MUC3A: variants seen among roughly 807,000 people sequenced by gnomAD.
MUC3A encodes mucin 3A, cell surface associated.
In MUC3A, 109 loss-of-function variants were observed where a neutral mutation model predicts 109.0. The ratio of observed to expected loss-of-function variants is 1.00; its 90% confidence interval spans 0.86 to 1.17. The LOEUF (loss-of-function observed/expected upper bound fraction) is 1.17. Among genes scored for constraint, MUC3A ranks in the 50% most tolerant of loss-of-function variants. The pLI, the probability that MUC3A is intolerant of heterozygous loss-of-function variation, is 0.00. For missense variants in MUC3A, 3,537 were observed against 2,469.4 expected, an observed-to-expected ratio of 1.43 and a Z score of -9.16; for synonymous variants, 1,398 against 981.4, an observed-to-expected ratio of 1.42 and a Z score of -7.93.
In MUC3A at chr7:100,956,333, C is replaced by A; in HGVS notation, c.4554C>A (p.Thr1518=). 1 of 555,564 alleles carries A rather than the reference C, an allele frequency of 1.8e-6. No homozygotes were observed. Among genetic ancestry groups the A allele is most frequent in the Non-Finnish European group, 3.1e-6 (1 of 320,722 alleles). 34.4% of individuals were successfully genotyped at this position (555,564 alleles called of 1,614,324 possible). ...AKTPTTNLVT[T]TTKTTSHSTT... is the part of the protein sequence containing the mutation. ...CTCCTACCACAAACTTGGTAACCACCACCACCAAGACCACCTCACATAGTA... is the reference window on the plus strand; with the variant it reads ...CTCCTACCACAAACTTGGTAACCACAACCACCAAGACCACCTCACATAGTA... Residue 1518 remains threonine (T), a synonymous_variant, in exon 2 of 12, where the codon ACC becomes ACA. Transcript: ENST00000379458.
Position 100,958,454 on chromosome 7 carries a change from G to A in MUC3A, c.6675G>A (p.Ser2225=), listed in dbSNP as rs954919703. The change falls in exon 2 of 12, where the codon TCG becomes TCA. Residue 2225 remains serine (S), a synonymous_variant. Coordinates refer to ENST00000379458, the MANE Select transcript of MUC3A (RefSeq NM_005960.2). ...GCAGTACTCCCAGCTTCAGTTCTTC[G>A]ATCACCACCACTGAGACCACATCCC... ...PSSSTPSFSS[S]ITTTETTSHS... The A allele has an allele frequency of 5.1e-4, 509 of 992,744 alleles. No individual in the cohort carries two copies. The highest frequency in any genetic ancestry group is 2.2e-3 in the Admixed American group (67 of 30,792). The allele number at this position is 992,744 out of a possible 1,614,324, so 61.5% of individuals were successfully genotyped here.
Position 100,953,389 on chromosome 7 carries a change from C to T in MUC3A, c.1610C>T (p.Ser537Phe), listed in dbSNP as rs1387481315. The change falls in exon 2 of 12, where the codon TCT becomes TTT. Residue 537 changes from serine to phenylalanine, a missense_variant. By Grantham distance (155) the Ser-to-Phe change is radical. Coordinates refer to ENST00000379458, the MANE Select transcript of MUC3A (RefSeq NM_005960.2). ...TTFPATYSFS[S>F]SMSASSAGTT... ...TTCCCAGCAACATATTCATTTTCAT[C>T]TTCCATGTCTGCCAGCAGTGCTGGG... 2.2e-5 allele frequency: 11 copies of T among 507,044 alleles called. No individual in the cohort carries two copies. The highest frequency in any genetic ancestry group is 3.4e-5 in the Non-Finnish European group (10 of 292,020). 31.4% of individuals were successfully genotyped at this position (507,044 alleles called of 1,614,324 possible).
rs1048244825 is a variant in MUC3A at position 100,960,070 on chromosome 7, C to T, written c.8291C>T (p.Pro2764Leu). 1.3e-6 allele frequency: 2 copies of T among 1,511,556 alleles called. No homozygotes were observed. The highest frequency in any genetic ancestry group is 1.8e-6 in the Non-Finnish European group (2 of 1,140,730). 93.6% of individuals were successfully genotyped at this position (1,511,556 alleles called of 1,614,324 possible). A position where few individuals can be genotyped will look rare whatever the true frequency, so the allele number is the denominator to read the frequency against. ...EITPFSYISL[P>L]STTPCPGTIT... ...ACCCCCTTTTCTTATATTTCCCTTC[C>T]CTCCACCACACCCTGTCCAGGAACT... Residue 2764 changes from proline (P) to leucine (L), a missense_variant, in exon 2 of 12, where the codon CCC becomes CTC. Transcript: ENST00000379458.
In MUC3A at chr7:100,965,882, C is replaced by A; in HGVS notation, c.9611+16C>A. ...CCACGTGTCGGTAAGGCCCCGCTCA[C>A]CATCGGCATCAGCCGAGCCCCTCCC... On this transcript the variant is annotated intron_variant, in intron 8 of 11. Coordinates refer to ENST00000379458, the MANE Select transcript of MUC3A (RefSeq NM_005960.2). 1 of 1,582,772 alleles carries A rather than the reference C, an allele frequency of 6.3e-7. No individual in the cohort carries two copies.
rs1277158480 is a variant in MUC3A, at chr7:100,958,128, T to A, written c.6349T>A (p.Ser2117Thr). ...CAGCTTCACTTCCTCAATCACCACC[T>A]CTGAGATGCCCTCACACAGTACTCC... ...TPSFTSSITT[S>T]EMPSHSTPSF... Residue 2117 changes from serine (S) to threonine (T), a missense_variant, in exon 2 of 12, where the codon TCT (serine) becomes ACT (threonine). Ser to Thr is a moderately conservative substitution (Grantham distance 58). Transcript: ENST00000379458. The A allele has an allele frequency of 0.018, 3,861 of 218,920 alleles. 307 individuals are homozygous for A. Among genetic ancestry groups the A allele is most frequent in the African/African-American group, 0.072 (556 of 7,720 alleles). The allele number at this position is 218,920 out of a possible 1,614,324, so 13.6% of individuals were successfully genotyped here. A position where few individuals can be genotyped will look rare whatever the true frequency, so the allele number is the denominator to read the frequency against.
chr7:100,953,998 C>CTA lies in MUC3A; in HGVS notation c.2219_2220insTA (p.Ser741ThrfsTer24). 1 of 464,422 alleles carries CTA rather than the reference C, an allele frequency of 2.2e-6. No homozygotes were observed. The highest frequency in any genetic ancestry group is 3.6e-5 in the Admixed American group (1 of 27,590). 28.8% of individuals were successfully genotyped at this position (464,422 alleles called of 1,614,324 possible). A position where few individuals can be genotyped will look rare whatever the true frequency, so the allele number is the denominator to read the frequency against. On this transcript the variant is annotated frameshift_variant, in exon 2 of 12. Transcript: ENST00000379458. LOFTEE classifies it high-confidence loss of function. Reference sequence around the variant, plus strand: ...ATGACAGAGACATCATCCACTGCCACCTCTCTTCCACCCACCTCTCCCTTG... The same window carrying CTA: ...ATGACAGAGACATCATCCACTGCCACTACTCTCTTCCACCCACCTCTCCCTTG...
At chr7:100,960,977 A>G in intron 3 of MUC3A, 40 bp downstream of exon 3, 2 of 1,598,380 alleles carry the variant, frequency 1.3e-6, no homozygotes, top group Non-Finnish European at 1.7e-6. Flanking sequence ...TTCCTCCCAC[A>G]GGGTGTCACT....
In MUC3A at chr7:100,958,583, T is replaced by TACTCCCAGCTTCACTTCTTC; in HGVS notation, c.6804_6805insACTCCCAGCTTCACTTCTTC (p.Asp2269ThrfsTer32). ...TCACCACCACTGAGACCACCTCACA[T>TACTCCCAGCTTCACTTCTTC]GATACTCCCAGCTTCACTTCTTCAA... On this transcript the variant is annotated frameshift_variant, in exon 2 of 12. Coordinates refer to ENST00000379458, the MANE Select transcript of MUC3A (RefSeq NM_005960.2). LOFTEE classifies it high-confidence loss of function. The TACTCCCAGCTTCACTTCTTC allele has an allele frequency of 2.4e-5, 5 of 211,760 alleles. No homozygotes were observed. The highest frequency in any genetic ancestry group is 1.1e-4 in the Admixed American group (1 of 9,176). 13.1% of individuals were successfully genotyped at this position (211,760 alleles called of 1,614,324 possible). A position where few individuals can be genotyped will look rare whatever the true frequency, so the allele number is the denominator to read the frequency against.
rs1397754817 is a variant in MUC3A, at chr7:100,959,912, T to G, written c.8133T>G (p.Pro2711=). The G allele has an allele frequency of 6.6e-7, 1 of 1,524,268 alleles. No homozygotes were observed. The highest frequency in any genetic ancestry group is 8.7e-7 in the Non-Finnish European group (1 of 1,146,448). 94.4% of individuals were successfully genotyped at this position (1,524,268 alleles called of 1,614,324 possible). ...TTTCCACTACCATTCATTCTGTTCC[T>G]TCTTCACCATACATTTTCAGTACAG... The part of the protein sequence containing the change: ...PVFSTTIHSV[P]SSPYIFSTEN... Residue 2711 remains proline (P), a synonymous_variant, in exon 2 of 12, where the codon CCT becomes CCG. Coordinates refer to ENST00000379458, the MANE Select transcript of MUC3A (RefSeq NM_005960.2).
chr7:100,952,497 A>G lies in MUC3A; in HGVS notation c.718A>G (p.Thr240Ala), dbSNP rs1380696171. 1 of 1,598,498 alleles carries G rather than the reference A, an allele frequency of 6.3e-7. No individual in the cohort carries two copies. The highest frequency in any genetic ancestry group is 1.7e-4 in the Middle Eastern group (1 of 6,056). ...PLPTGSIHTT[T>A]SPTPVFTTLK... ...GCCCACTGGAAGCATCCATACAACC[A>G]CGTCCCCAACCCCAGTATTTACTAC... The change falls in exon 2 of 12, where the codon ACG becomes GCG. Residue 240 changes from threonine (T) to alanine (A), a missense_variant. By Grantham distance (58) the Thr-to-Ala change is moderately conservative (BLOSUM62 0). Coordinates refer to ENST00000379458, the MANE Select transcript of MUC3A (RefSeq NM_005960.2).
chr7:100,960,585 C>T lies in MUC3A; in HGVS notation c.8806C>T (p.Arg2936Cys), dbSNP rs35212402. Residue 2936 changes from arginine to cysteine, a missense_variant, in exon 2 of 12, where the codon CGC becomes TGC. Coordinates refer to ENST00000379458, the MANE Select transcript of MUC3A (RefSeq NM_005960.2). Reference protein sequence around the residue: ...TTQTPTTLTSRRTTRITSQMT... With the variant: ...TTQTPTTLTSCRTTRITSQMT... ...CCAGACTCCTACCACCCTTACATCA[C>T]GCAGGACAACTCGCATCACTTCTCA... 384 of 1,573,748 alleles carry T rather than the reference C, an allele frequency of 2.4e-4. No homozygotes were observed. Among genetic ancestry groups the T allele is most frequent in the African/African-American group, 5.1e-4 (38 of 74,452 alleles).
chr7:100,951,771 TTACA>T (rs1791949473), intron 1 of MUC3A, 66 bp from the exon 2 acceptor site: 1 of 1,560,520 alleles, frequency 6.4e-7, no homozygotes, highest in Non-Finnish European at 8.6e-7. Flanking sequence ...AGTGAGTAGC[TTACA>T]TGAGTGATGT....
rs1363709795 is a variant in MUC3A at position 100,956,573 on chromosome 7, A to G, written c.4794A>G (p.Ser1598=). The change falls in exon 2 of 12, where the codon TCA becomes TCG. Residue 1598 remains serine (S), a synonymous_variant. Transcript: ENST00000379458. Reference sequence around the variant, plus strand: ...TACCTATGATGACAGACCTCACCTCAGTGTACACAGTCTCCAGCATGTCTG... The same window carrying G: ...TACCTATGATGACAGACCTCACCTCGGTGTACACAGTCTCCAGCATGTCTG... ...GSLPMMTDLT[S]VYTVSSMSAR... 2.0e-5 allele frequency: 9 copies of G among 446,722 alleles called. No homozygotes were observed. The highest frequency in any genetic ancestry group is 3.5e-5 in the East Asian group (1 of 28,788). The allele number at this position is 446,722 out of a possible 1,614,324, so 27.7% of individuals were successfully genotyped here.
chr7:100,962,914 G>A (rs1050153173), intron 3 of MUC3A, among the ~76,000 whole-genome samples: 1 of 152,290 alleles, frequency 6.6e-6, no homozygotes, highest in Admixed American at 6.5e-5. Flanking sequence ...GGAGTGCAGT[G>A]ATGCAATCTC....
At position 100,965,740 on chromosome 7, in the gene MUC3A, A is replaced by G. The variant is rs1162958379; in HGVS notation, c.9485A>G (p.Glu3162Gly). 3.1e-6 allele frequency: 5 copies of G among 1,598,370 alleles called. No individual in the cohort carries two copies. The highest frequency in any genetic ancestry group is 1.7e-4 in the Middle Eastern group (1 of 6,058). Residue 3162 changes from glutamate to glycine, a missense_variant, in exon 8 of 12, where the codon GAG becomes GGG. Physicochemically the swap from Glu to Gly is moderately conservative, Grantham distance 98. Transcript: ENST00000379458. ...CRRAAPTGYE[E>G]FYFPLVEATR... ...CGCGCCGCTCCCACGGGCTATGAAG[A>G]GTTCTACTTCCCCTTGGTGGAGGCC...
At chr7:100,965,447 G>C (rs10251045) in intron 7 of MUC3A, 100 bp downstream of exon 7, 298,044 of 1,426,050 alleles carry the variant, frequency 0.21, 6 homozygotes, top group East Asian at 0.3. Flanking sequence ...GAGACCTTTG[G>C]GGGAGGCAAG....
At chr7:100,964,219 C>G (rs4448204) in intron 5 of MUC3A, 10,851 of 212,452 alleles carry the variant, frequency 0.051, no homozygotes, top group Non-Finnish European at 0.066. Flanking sequence ...GGTGGATCAC[C>G]TGAAAGCAGT....
chr7:100,950,582 C>T (rs1791905807), intron 1 of MUC3A, among the ~76,000 whole-genome samples: 1 of 152,248 alleles, frequency 6.6e-6, no homozygotes, highest in Non-Finnish European at 1.5e-5. Context: ...AGCTCTCAGC[C>T]ACAAGATGGG....
At chr7:100,964,053 G>C in intron 5 of MUC3A, 1 of 577,294 alleles carries the variant, frequency 1.7e-6, no homozygotes, top group South Asian at 2.0e-5. Context: ...TACTGAGTGG[G>C]TCAGCATTAG....
Sources: gnomAD v4.1 joint callset for allele counts (sites outside exome capture counted in the v4.1 genomes callset) on GRCh38, gnomAD v4.1.1 for gene constraint, MANE v1.5 for transcripts, NCBI Gene and HGNC (gene_info 2026-07-23, HGNC 2026-07-21) for gene names.